Variants in SPICE1 observed in about 807,000 individuals in gnomAD.
SPICE1 encodes spindle and centriole-associated protein 1.
SPICE1 carries 75 observed loss-of-function variants against 102.7 expected under a neutral mutation model. That is an observed-to-expected ratio of 0.73 (90% CI 0.61 to 0.88). The LOEUF (loss-of-function observed/expected upper bound fraction) is 0.88, where lower values mean the gene tolerates loss of function less well. Ranked by LOEUF, SPICE1 falls within the 40% of genes least tolerant of loss-of-function variation. SPICE1 has a pLI of 0.00. For synonymous variants in SPICE1, 308 were observed against 350.3 expected (o/e 0.88, Z 1.35); for missense variants, 979 against 1,020.1 (o/e 0.96, Z 0.55).
intron 10 of SPICE1, among the ~76,000 whole-genome samples, chr3:113,466,002 C>A (rs553414766): frequency 6.6e-6 from 1 of 152,100 alleles, no homozygotes; most frequent in African/African-American, 2.4e-5. Context: ...GAACTAAATG[C>A]TATATAAAAT....
chr3:113,469,103 T>C lies in SPICE1; in HGVS notation c.747A>G (p.Gln249=). The C allele has an allele frequency of 6.2e-7, 1 of 1,611,880 alleles. No individual in the cohort carries two copies. The highest frequency in any genetic ancestry group is 1.1e-5 in the South Asian group (1 of 90,718). The part of the protein sequence containing the change: ...TPSSALSSGE[Q]RAALNATNAV... ...TAATGCAAAAGGGAAACAAACCTCT[T>C]TGCTCCCCTGATGAAAGAGCAGATG... is the stretch of plus-strand genomic sequence containing the variant. The change falls in exon 8 of 18, where the codon CAA becomes CAG. Residue 249 remains glutamine, a synonymous_variant. Transcript: ENST00000295872.
chr3:113,472,333 G>C (rs1936225314), intron 7 of SPICE1, among the ~76,000 whole-genome samples: 2 of 152,252 alleles, frequency 1.3e-5, no homozygotes, highest in South Asian at 2.1e-4. Flanking sequence ...GCCTGCCTCT[G>C]TAGGCTCCAC....
intron 1 of SPICE1, 97 bp downstream of exon 1, chr3:113,514,800 C>T (rs1937291132): frequency 2.3e-6 from 3 of 1,279,906 alleles, no homozygotes; most frequent in African/African-American, 3.1e-5. Flanking sequence ...CAATTACCAG[C>T]TCTGTGCAAA....
chr3:113,478,546 A>C (rs1463644), intron 7 of SPICE1, among the ~76,000 whole-genome samples: 27,244 of 152,158 alleles, frequency 0.18, 3,175 homozygotes, highest in East Asian at 0.42. Context: ...GTTCCAAAAA[A>C]CATGGACCAA....
At chr3:113,452,713 C>T (rs1375069366) in intron 14 of SPICE1, among the ~76,000 whole-genome samples, 1 of 151,952 alleles carries the variant, frequency 6.6e-6, no homozygotes, top group Non-Finnish European at 1.5e-5. Flanking sequence ...GGCGCAGTGG[C>T]TCATGCCTGT....
intron 1 of SPICE1, among the ~76,000 whole-genome samples, chr3:113,513,606 A>G (rs899909655): frequency 1.3e-5 from 2 of 152,176 alleles, no homozygotes; most frequent in African/African-American, 4.8e-5. Flanking sequence ...CAGAATTACA[A>G]TCCTAGTTGC....
intron 1 of SPICE1, among the ~76,000 whole-genome samples, chr3:113,508,439 G>T (rs772657215): frequency 1.1e-4 from 16 of 152,034 alleles, no homozygotes; most frequent in Non-Finnish European, 2.1e-4. Flanking sequence ...TAAAAAATCC[G>T]ATTTAAAAAT....
chr3:113,468,231 C>G lies in SPICE1; in HGVS notation c.1063G>C (p.Glu355Gln), dbSNP rs752443451. Residue 355 changes from glutamate to glutamine, a missense_variant, in exon 10 of 18, where the codon GAG (glutamate) becomes CAG (glutamine). By Grantham distance (29) the Glu-to-Gln change is conservative. Coordinates refer to ENST00000295872, the MANE Select transcript of SPICE1 (RefSeq NM_144718.4). ...TGACTGCTCTGCAGACCCTTGACCT[C>G]GCGACCTGTCCACCGCTCATATTCT... ...MEEYERWTGR[E>Q]VKGLQSSQGL... The G allele has an allele frequency of 6.2e-7, 1 of 1,614,124 alleles. No individual in the cohort carries two copies. The highest frequency in any genetic ancestry group is 8.5e-7 in the Non-Finnish European group (1 of 1,180,034).
intron 12 of SPICE1, among the ~76,000 whole-genome samples, chr3:113,458,840 G>A (rs567158610): frequency 3.3e-5 from 5 of 151,706 alleles, no homozygotes; most frequent in Non-Finnish European, 7.4e-5. Flanking sequence ...TCTGAGAGGT[G>A]AAGAGCGCCT....
chr3:113,502,426 C>A (rs1315667805), intron 3 of SPICE1, among the ~76,000 whole-genome samples: 1 of 152,026 alleles, frequency 6.6e-6, no homozygotes, highest in Non-Finnish European at 1.5e-5. Context: ...TATCAAACGA[C>A]CAGAATAGGC....
At chr3:113,502,227 T>A (rs1441515620) in intron 3 of SPICE1, among the ~76,000 whole-genome samples, 4 of 152,050 alleles carry the variant, frequency 2.6e-5, no homozygotes, top group Non-Finnish European at 5.9e-5. Flanking sequence ...AATACAAAAC[T>A]TAGCCAGGCG....
At chr3:113,461,889 C>T (rs1935941860) in intron 11 of SPICE1, among the ~76,000 whole-genome samples, 1 of 152,038 alleles carries the variant, frequency 6.6e-6, no homozygotes, top group Non-Finnish European at 1.5e-5. Flanking sequence ...AATTTTTTCC[C>T]AAATTTCACA....
intron 9 of SPICE1, 129 bp from the exon 10 acceptor site, chr3:113,468,533 CATA>C: frequency 5.0e-6 from 6 of 1,204,030 alleles, no homozygotes; most frequent in Non-Finnish European, 6.9e-6. Context: ...CCATTTCTCT[CATA>C]AAAATTAAAC....
At chr3:113,448,425 A>G (rs912086258) in intron 15 of SPICE1, among the ~76,000 whole-genome samples, 13 of 152,152 alleles carry the variant, frequency 8.5e-5, no homozygotes, top group African/African-American at 2.4e-4. Flanking sequence ...AACAGGAATT[A>G]AGAGCTAGCC....
At chr3:113,486,203 C>G (rs774907763) in intron 7 of SPICE1, among the ~76,000 whole-genome samples, 1 of 121,844 alleles carries the variant, frequency 8.2e-6, no homozygotes, top group Non-Finnish European at 1.6e-5. Context: ...GTTTATTTGA[C>G]CATTCTCATA....
At chr3:113,473,518 G>A (rs1936259544) in intron 7 of SPICE1, among the ~76,000 whole-genome samples, 1 of 152,182 alleles carries the variant, frequency 6.6e-6, no homozygotes, top group Non-Finnish European at 1.5e-5. Context: ...AAGAAAAAAT[G>A]TTAAGGGCAG....
At chr3:113,488,609 C>T (rs1936696959) in intron 7 of SPICE1, among the ~76,000 whole-genome samples, 2 of 151,882 alleles carry the variant, frequency 1.3e-5, no homozygotes, top group African/African-American at 4.8e-5. Flanking sequence ...AGGGGGAGGG[C>T]GGGAGGTAGG....
At chr3:113,475,965 T>C (rs1259330484) in intron 7 of SPICE1, among the ~76,000 whole-genome samples, 1 of 152,012 alleles carries the variant, frequency 6.6e-6, no homozygotes, top group African/African-American at 2.4e-5. Context: ...AAATAAAGGG[T>C]ATTCAATTAG....
chr3:113,486,210 C>CATATATATATATATATATATATATAT (rs60309507), intron 7 of SPICE1, among the ~76,000 whole-genome samples: 42 of 141,038 alleles, frequency 3.0e-4, no homozygotes, highest in East Asian at 8.4e-4. Context: ...TGACCATTCT[C>CATATATATATATATATATATATATAT]ATATATATAT....
Sources: gnomAD v4.1 joint callset for allele counts (sites outside exome capture counted in the v4.1 genomes callset) on GRCh38, gnomAD v4.1.1 for gene constraint, MANE v1.5 for transcripts, NCBI Gene and HGNC (gene_info 2026-07-23, HGNC 2026-07-21) for gene names.